PKP2: variants seen among roughly 807,000 people sequenced by gnomAD.
PKP2 encodes plakophilin-2.
A neutral mutation model predicts 83.4 loss-of-function variants in PKP2; 73 were observed. The observed-to-expected ratio is 0.88, with a 90% CI of 0.72 to 1.06. The LOEUF (loss-of-function observed/expected upper bound fraction) is 1.06. PKP2 is among the 50% of genes least tolerant of loss of function. The pLI is 0.00. For synonymous variants in PKP2, 409 were observed against 430.4 expected, an observed-to-expected ratio of 0.95 and a Z score of 0.62; for missense variants, 966 against 1,065.4, an observed-to-expected ratio of 0.91 and a Z score of 1.30.
At chr12:32,846,951 C>A (rs1045244336) in intron 5 of PKP2, among the ~76,000 whole-genome samples, 1 of 151,964 alleles carries the variant, frequency 6.6e-6, no homozygotes, top group African/African-American at 2.4e-5. Flanking sequence ...ATTTAGGCAA[C>A]CTTGGGCAAT....
intron 9 of PKP2, among the ~76,000 whole-genome samples, chr12:32,820,729 A>C (rs1198941009): frequency 6.6e-6 from 1 of 152,208 alleles, no homozygotes. Context: ...CTGGAAGTGC[A>C]CATCTGGGCA....
At chr12:32,869,153 G>A (rs1254769384) in intron 3 of PKP2, 91 bp from the exon 4 acceptor site, 6 of 1,429,894 alleles carry the variant, frequency 4.2e-6, no homozygotes, top group Non-Finnish European at 5.9e-6. Flanking sequence ...AGCGAATACT[G>A]GGAAGCACTA....
At chr12:32,876,108 G>C (rs1956929709) in intron 3 of PKP2, among the ~76,000 whole-genome samples, 1 of 152,156 alleles carries the variant, frequency 6.6e-6, no homozygotes, top group African/African-American at 2.4e-5. Flanking sequence ...CTGGTGCCCT[G>C]AAAACCAAGG....
chr12:32,858,036 C>A lies in PKP2; in HGVS notation c.1171-7063G>T, dbSNP rs1956763895. ...TGAGCCCAGGGGTTTGTGACCAGCC[C>A]TGGGAACACAGGGAGACCCCATCTC... On this transcript the variant is annotated intron_variant, in intron 4 of 12. Transcript: ENST00000340811. Among the ~76,000 whole-genome samples, 3 of 118,644 alleles carry A rather than the reference C, an allele frequency of 2.5e-5. No individual in the cohort carries two copies. In the South Asian group the frequency reaches 8.6e-4, roughly 34 times the overall value. 77.8% of individuals were successfully genotyped at this position (118,644 alleles called of 152,430 possible).
chr12:32,838,400 G>A (rs556006868), intron 6 of PKP2, among the ~76,000 whole-genome samples: 6 of 151,956 alleles, frequency 3.9e-5, no homozygotes, highest in African/African-American at 7.2e-5. Context: ...TTGAGTGATC[G>A]GCACATTAGA....
chr12:32,878,133 G>C lies in PKP2; in HGVS notation c.747C>G (p.Ser249Arg). 1.2e-6 allele frequency: 2 copies of C among 1,614,248 alleles called. No individual in the cohort carries two copies. The highest frequency in any genetic ancestry group is 1.7e-6 in the Non-Finnish European group (2 of 1,180,040). The change falls in exon 3 of 13, where the codon AGC (serine) becomes AGG (arginine). Residue 249 changes from serine to arginine, a missense_variant. Ser to Arg is a moderately radical substitution (Grantham distance 110, BLOSUM62 -1). Coordinates refer to ENST00000340811, the MANE Select transcript of PKP2 (RefSeq NM_001005242.3). Reference protein sequence around the residue: ...ALLTYPRPGTSRSMGNLLEKE... With the variant: ...ALLTYPRPGTRRSMGNLLEKE... ...TCTCCAAGAGGTTGCCCATGCTGCG[G>C]CTGGTCCCTGGCCTGGGGTACGTGA...
At chr12:32,806,249 C>G (rs1956224888) in intron 9 of PKP2, among the ~76,000 whole-genome samples, 1 of 152,186 alleles carries the variant, frequency 6.6e-6, no homozygotes, top group South Asian at 2.1e-4. Context: ...GGAGGAGTCC[C>G]TCTTTTTCAA....
chr12:32,857,250 C>G (rs1956757979), intron 4 of PKP2, among the ~76,000 whole-genome samples: 1 of 152,086 alleles, frequency 6.6e-6, no homozygotes, highest in Non-Finnish European at 1.5e-5. Flanking sequence ...GCAGGGAGAT[C>G]CCATCTGCAC....
chr12:32,810,609 A>G (rs1381529572), intron 9 of PKP2, among the ~76,000 whole-genome samples: 39 of 152,180 alleles, frequency 2.6e-4, no homozygotes, highest in Admixed American at 2.6e-3. Flanking sequence ...TTATTGATCT[A>G]AGGATACTCT....
At chr12:32,859,920 G>A (rs1167058772) in intron 4 of PKP2, among the ~76,000 whole-genome samples, 1 of 152,196 alleles carries the variant, frequency 6.6e-6, no homozygotes, top group Non-Finnish European at 1.5e-5. Flanking sequence ...CTGATAAAAT[G>A]TTGATGGGAG....
At chr12:32,875,182 A>G (rs1490713019) in intron 3 of PKP2, among the ~76,000 whole-genome samples, 2 of 152,160 alleles carry the variant, frequency 1.3e-5, no homozygotes, top group East Asian at 1.9e-4. Flanking sequence ...TAGCCACAAT[A>G]TATTTTTCTG....
rs1340247299 is a variant in PKP2, at chr12:32,858,101, A to G, written c.1171-7128T>C. 7.0e-4 allele frequency among the ~76,000 whole-genome samples: 69 copies of G among 98,454 alleles called. 1 individual carries two copies. Among genetic ancestry groups the G allele is most frequent in the African/African-American group, 2.6e-3 (63 of 24,256 alleles). The allele number at this position is 98,454 out of a possible 152,430, so 64.6% of individuals were successfully genotyped here. On this transcript the variant is annotated intron_variant, in intron 4 of 12. Transcript: ENST00000340811. ...AAAAAAAAAATATATATATATATATATATATATATATATATTTATATATAT... is the reference window on the plus strand; with the variant it reads ...AAAAAAAAAATATATATATATATATGTATATATATATATATTTATATATAT...
chr12:32,842,810 G>A (rs1340425420), intron 5 of PKP2, among the ~76,000 whole-genome samples: 5 of 151,802 alleles, frequency 3.3e-5, no homozygotes, highest in East Asian at 1.9e-4. Context: ...GAGTAGCTGG[G>A]ATTACAGGCA....
At chr12:32,810,210 A>G (rs979930203) in intron 9 of PKP2, among the ~76,000 whole-genome samples, 7 of 152,208 alleles carry the variant, frequency 4.6e-5, no homozygotes, top group Non-Finnish European at 5.9e-5. Flanking sequence ...CTTATTCAGA[A>G]TCATTTTGGC....
intron 9 of PKP2, among the ~76,000 whole-genome samples, chr12:32,807,344 T>G (rs1179996785): frequency 6.6e-6 from 1 of 152,206 alleles, no homozygotes; most frequent in African/African-American, 2.4e-5. Context: ...GAACTAGGAT[T>G]GCAACCCTTG....
At chr12:32,876,250 C>T (rs1956931314) in intron 3 of PKP2, among the ~76,000 whole-genome samples, 1 of 151,998 alleles carries the variant, frequency 6.6e-6, no homozygotes, top group South Asian at 2.1e-4. Context: ...TGTCAGGAGA[C>T]TGTTTAGGTG....
intron 6 of PKP2, among the ~76,000 whole-genome samples, chr12:32,825,265 T>A (rs1956426572): frequency 6.8e-6 from 1 of 147,302 alleles, no homozygotes; most frequent in African/African-American, 2.6e-5. Flanking sequence ...ACCTCCCGGG[T>A]TCAAGCGATT....
chr12:32,887,275 G>A (rs774132334), intron 1 of PKP2, among the ~76,000 whole-genome samples: 22 of 152,222 alleles, frequency 1.4e-4, no homozygotes, highest in Non-Finnish European at 2.4e-4. Context: ...GCCAGTGTGC[G>A]ACTGACTAAT....
chr12:32,879,638 G>A (rs565430565), intron 1 of PKP2, among the ~76,000 whole-genome samples: 3 of 152,150 alleles, frequency 2.0e-5, no homozygotes, highest in Admixed American at 6.6e-5. Flanking sequence ...AGAGCAGCCT[G>A]GCCAACATGG....
Sources: allele counts gnomAD v4.1 joint callset (sites outside exome capture counted in the v4.1 genomes callset), GRCh38; gene constraint gnomAD v4.1.1; transcripts MANE v1.5; gene names NCBI Gene and HGNC (gene_info 2026-07-23, HGNC 2026-07-21).